ARHGAP8: variants seen among roughly 807,000 people sequenced by gnomAD.
The protein encoded by ARHGAP8 is rho GTPase-activating protein 8.
ARHGAP8 carries 62 observed loss-of-function variants against 46.1 expected under a neutral mutation model. The observed-to-expected ratio is 1.34, with a 90% CI of 1.10 to 1.66. The LOEUF is 1.66. ARHGAP8 is among the 40% of genes most tolerant of loss of function. ARHGAP8 has a pLI of 0.00. For missense variants in ARHGAP8, 923 were observed against 568.4 expected (o/e 1.62, Z -6.34); for synonymous variants, 375 against 243.1 (o/e 1.54, Z -5.05).
chr22:44,861,454 T>TG (rs1569189771), intron 11 of ARHGAP8, among the ~76,000 whole-genome samples: 10 of 151,852 alleles, frequency 6.6e-5, no homozygotes, highest in African/African-American at 1.7e-4. Flanking sequence ...GCAACGGGCT[T>TG]GGGGGACCGG....
intron 3 of ARHGAP8, among the ~76,000 whole-genome samples, chr22:44,805,937 G>A (rs544129475): frequency 1.3e-5 from 2 of 152,266 alleles, no homozygotes; most frequent in Admixed American, 6.5e-5. Flanking sequence ...CTGAGCACGC[G>A]GGCAGATGCA....
Position 44,862,394 on chromosome 22 carries a change from C to T in ARHGAP8, c.1101C>T (p.Asn367=), listed in dbSNP as rs765698598. ...VSSLSALVPL[N]MFTELLIEYY... ...CCCTGAGTGCCCTTGTGCCCCTGAA[C>T]ATGTTCACTGAACTGCTGATCGAGT... Residue 367 remains asparagine (N), a synonymous_variant, in exon 12 of 12, where the codon AAC becomes AAT. Transcript: ENST00000356099. 4 of 1,614,044 alleles carry T rather than the reference C, an allele frequency of 2.5e-6. No individual in the cohort carries two copies. The highest frequency in any genetic ancestry group is 2.5e-6 in the Non-Finnish European group (3 of 1,180,004).
intron 3 of ARHGAP8, among the ~76,000 whole-genome samples, chr22:44,803,325 A>C (rs1403027946): frequency 6.6e-6 from 1 of 152,176 alleles, no homozygotes; most frequent in Admixed American, 6.5e-5. Context: ...ACCAACAAGC[A>C]TCAGGAGCAT....
intron 1 of ARHGAP8, among the ~76,000 whole-genome samples, chr22:44,783,743 G>A (rs1263573004): frequency 1.3e-5 from 2 of 152,170 alleles, no homozygotes; most frequent in Non-Finnish European, 2.9e-5. Context: ...GTGTTTCCTG[G>A]GCTGAGGTCA....
At chr22:44,845,200 C>CGCCT in intron 7 of ARHGAP8, 69 bp from the exon 8 acceptor site, 1 of 1,583,810 alleles carries the variant, frequency 6.3e-7, no homozygotes, top group Non-Finnish European at 8.6e-7. Flanking sequence ...AGAGGACCAG[C>CGCCT]GCCTCTTCTC....
chr22:44,849,177 T>TGG, intron 10 of ARHGAP8, 117 bp downstream of exon 10: 1 of 1,542,098 alleles, frequency 6.5e-7, no homozygotes, highest in East Asian at 2.3e-5. Context: ...ACCCTCCTCC[T>TGG]GTTGCCATCT....
chr22:44,830,846 A>G (rs1930895900), intron 7 of ARHGAP8, among the ~76,000 whole-genome samples: 1 of 151,848 alleles, frequency 6.6e-6, no homozygotes, highest in Non-Finnish European at 1.5e-5. Context: ...GCCTGTTTTT[A>G]TTTTTTATCG....
At chr22:44,843,824 CAAAAAAA>C (rs56308320) in intron 7 of ARHGAP8, among the ~76,000 whole-genome samples, 3 of 93,112 alleles carry the variant, frequency 3.2e-5, no homozygotes, top group Non-Finnish European at 6.9e-5. Context: ...GACCTTGTCT[CAAAAAAA>C]AAAAAAAAAA....
chr22:44,778,460 C>T (rs148254181), intron 1 of ARHGAP8, among the ~76,000 whole-genome samples: 4 of 152,220 alleles, frequency 2.6e-5, no homozygotes, highest in East Asian at 1.9e-4. Context: ...CACATTTTTG[C>T]GATTGCGAAT....
intron 2 of ARHGAP8, among the ~76,000 whole-genome samples, chr22:44,792,006 C>G (rs1259636930): frequency 7.1e-6 from 1 of 140,898 alleles, no homozygotes; most frequent in Non-Finnish European, 1.5e-5. Context: ...TCTTCTTTTT[C>G]TTCTTTCTTT....
chr22:44,822,856 G>A (rs984186572), intron 6 of ARHGAP8, among the ~76,000 whole-genome samples: 2 of 152,208 alleles, frequency 1.3e-5, no homozygotes, highest in African/African-American at 2.4e-5. Flanking sequence ...GGGACGTCAC[G>A]GGTGCTCTAG....
At chr22:44,756,574 A>ACCCCCCC (rs1924691615) in intron 1 of ARHGAP8, among the ~76,000 whole-genome samples, 1 of 93,960 alleles carries the variant, frequency 1.1e-5, no homozygotes, top group Non-Finnish European at 2.2e-5. Flanking sequence ...TGCTCACCCC[A>ACCCCCCC]CACCCCGCCC....
At chr22:44,833,572 G>T (rs910010935) in intron 7 of ARHGAP8, among the ~76,000 whole-genome samples, 1 of 152,034 alleles carries the variant, frequency 6.6e-6, no homozygotes, top group African/African-American at 2.4e-5. Context: ...TGCTTTGCTT[G>T]TATTTTGTTG....
intron 11 of ARHGAP8, among the ~76,000 whole-genome samples, chr22:44,860,490 A>G (rs973945954): frequency 1.3e-5 from 2 of 151,782 alleles, no homozygotes; most frequent in South Asian, 2.1e-4. Context: ...ACCCCCTGCC[A>G]TATGTCACTG....
chr22:44,798,022 G>C (rs1928220524), intron 2 of ARHGAP8, among the ~76,000 whole-genome samples: 1 of 147,572 alleles, frequency 6.8e-6, no homozygotes, highest in African/African-American at 2.5e-5. Context: ...TCTTGCCCAG[G>C]CTAGAGTGCA....
intron 1 of ARHGAP8, among the ~76,000 whole-genome samples, chr22:44,762,564 G>C (rs1482900899): frequency 8.1e-6 from 1 of 122,930 alleles, no homozygotes; most frequent in African/African-American, 3.1e-5. Flanking sequence ...TTTTTTTTGA[G>C]ATGGAGTCTC....
intron 4 of ARHGAP8, chr22:44,809,388 G>A: frequency 2.8e-6 from 1 of 356,000 alleles, no homozygotes; most frequent in Non-Finnish European, 5.6e-6. Context: ...TCCCACCCCT[G>A]GTCCAGTGAA....
intron 11 of ARHGAP8, 100 bp from the exon 12 acceptor site, chr22:44,862,173 CCT>C: frequency 2.8e-6 from 4 of 1,405,788 alleles, no homozygotes; most frequent in Admixed American, 2.4e-5. Context: ...GTCCAGTGCT[CCT>C]CTCACTACAC....
intron 11 of ARHGAP8, among the ~76,000 whole-genome samples, chr22:44,860,536 CATCTT>C (rs1281838856): frequency 3.3e-5 from 2 of 60,578 alleles, no homozygotes; most frequent in African/African-American, 1.0e-4. Flanking sequence ...GGGATGATCT[CATCTT>C]GAGATCCTCA....
Sources: allele counts gnomAD v4.1 joint callset (sites outside exome capture counted in the v4.1 genomes callset), GRCh38; gene constraint gnomAD v4.1.1; transcripts MANE v1.5; gene names NCBI Gene and HGNC (gene_info 2026-07-23, HGNC 2026-07-21).